CABLES1: variants seen among roughly 807,000 people sequenced by gnomAD.
CABLES1 encodes Cdk5 and Abl enzyme substrate 1, also known as CDK5 and ABL1 enzyme substrate 1.
CABLES1 carries 36 observed loss-of-function variants against 57.8 expected under a neutral mutation model. The observed-to-expected ratio is 0.62, with a 90% CI of 0.48 to 0.82. CABLES1 has a LOEUF of 0.82. Among genes scored for constraint, CABLES1 ranks in the 40% least tolerant of loss-of-function variants. The pLI, the probability that CABLES1 is intolerant of heterozygous loss-of-function variation, is 0.00. For synonymous variants in CABLES1, 374 were observed against 363.0 expected, an observed-to-expected ratio of 1.03 and a Z score of -0.35; for missense variants, 767 against 836.6, an observed-to-expected ratio of 0.92 and a Z score of 1.03.
At chr18:23,156,511 T>C (rs1195045744) in intron 1 of CABLES1, among the ~76,000 whole-genome samples, 2 of 152,202 alleles carry the variant, frequency 1.3e-5, no homozygotes, top group African/African-American at 4.8e-5. Context: ...ATTATACAAC[T>C]TTTAGCTAAT....
rs1191728921 is a variant in CABLES1 at position 23,135,885 on chromosome 18, C to T, written c.123C>T (p.Ala41=). ...CGCAGCCCCAGCCTCAGCCCGCGGC[C>T]GCCGCGCCGGCCCAGCCGCCGCCCG... The part of the protein sequence containing the change: ...PPPQPQPQPA[A]AAPAQPPPEP... Residue 41 remains alanine, a synonymous_variant, in exon 1 of 10, where the codon GCC becomes GCT. Transcript: ENST00000256925. 2 of 1,052,780 alleles carry T rather than the reference C, an allele frequency of 1.9e-6. No homozygotes were observed. The highest frequency in any genetic ancestry group is 1.7e-5 in the African/African-American group (1 of 58,004). The allele number at this position is 1,052,780 out of a possible 1,614,324, so 65.2% of individuals were successfully genotyped here.
At chr18:23,173,646 T>C (rs974544640) in intron 1 of CABLES1, among the ~76,000 whole-genome samples, 2 of 152,250 alleles carry the variant, frequency 1.3e-5, no homozygotes, top group South Asian at 2.1e-4. Flanking sequence ...TACTAAGATA[T>C]AATTTGCATA....
At chr18:23,183,503 T>G (rs925966084) in intron 1 of CABLES1, among the ~76,000 whole-genome samples, 2 of 152,200 alleles carry the variant, frequency 1.3e-5, no homozygotes, top group Non-Finnish European at 2.9e-5. Flanking sequence ...CAGGCGTGGG[T>G]GCTTTCAGGA....
Position 23,259,955 on chromosome 18 carries a change from A to T in CABLES1, c.*2588A>T, listed in dbSNP as rs530274143. The T allele has an allele frequency of 6.6e-6, 1 of 150,700 alleles. No homozygotes were observed. The highest frequency in any genetic ancestry group is 2.4e-5 in the African/African-American group (1 of 41,148). The allele number at this position is 150,700 out of a possible 1,614,324, so 9.3% of individuals were successfully genotyped here. A position where few individuals can be genotyped will look rare whatever the true frequency, so the allele number is the denominator to read the frequency against. ...TCCGCCCAGCCACACTCCTTGGGATAATACTAGCCGGTTCTGCCTGATTCC... is the reference window on the plus strand; with the variant it reads ...TCCGCCCAGCCACACTCCTTGGGATTATACTAGCCGGTTCTGCCTGATTCC... On this transcript the variant is annotated 3_prime_UTR_variant, in exon 10 of 10. Transcript: ENST00000256925.
chr18:23,161,311 T>G (rs2047002297), intron 1 of CABLES1, among the ~76,000 whole-genome samples: 1 of 151,970 alleles, frequency 6.6e-6, no homozygotes, highest in Non-Finnish European at 1.5e-5. Context: ...TCTAAAACAC[T>G]TTACTGGTGT....
intron 7 of CABLES1, among the ~76,000 whole-genome samples, chr18:23,240,058 C>T (rs2047696516): frequency 6.6e-6 from 1 of 152,184 alleles, no homozygotes; most frequent in South Asian, 2.1e-4. Flanking sequence ...GCAGAGGCTG[C>T]AGTGAGCTGA....
chr18:23,182,754 C>T (rs1047884570), intron 1 of CABLES1, among the ~76,000 whole-genome samples: 115 of 152,346 alleles, frequency 7.5e-4, no homozygotes, highest in African/African-American at 2.6e-3. Flanking sequence ...CACTGCCTCA[C>T]GTTGTCCTTC....
chr18:23,246,778 A>G (rs993758854), intron 7 of CABLES1, among the ~76,000 whole-genome samples: 1 of 151,368 alleles, frequency 6.6e-6, no homozygotes, highest in Admixed American at 6.6e-5. Flanking sequence ...TTCAATCTTC[A>G]TCTCCCAGGT....
At chr18:23,232,214 C>T (rs1207095007) in intron 4 of CABLES1, among the ~76,000 whole-genome samples, 1 of 152,232 alleles carries the variant, frequency 6.6e-6, no homozygotes, top group African/African-American at 2.4e-5. Flanking sequence ...AAGATATTCC[C>T]TACTTCTCTC....
At chr18:23,244,133 G>C (rs2047815599) in intron 7 of CABLES1, among the ~76,000 whole-genome samples, 1 of 152,220 alleles carries the variant, frequency 6.6e-6, no homozygotes, top group Admixed American at 6.5e-5. Flanking sequence ...CTTGCGTTTA[G>C]AAGTGCATCC....
chr18:23,202,373 AAAG>A (rs1448594628), intron 3 of CABLES1, among the ~76,000 whole-genome samples: 1 of 152,214 alleles, frequency 6.6e-6, no homozygotes, highest in African/African-American at 2.4e-5. Flanking sequence ...GCCTTTTGTC[AAAG>A]AAGAGAGGTG....
chr18:23,237,126 T>C lies in CABLES1; in HGVS notation c.1343-16T>C. 1 of 1,506,802 alleles carries C rather than the reference T, an allele frequency of 6.6e-7. No homozygotes were observed. The highest frequency in any genetic ancestry group is 9.2e-7 in the Non-Finnish European group (1 of 1,082,058). The allele number at this position is 1,506,802 out of a possible 1,614,324, so 93.3% of individuals were successfully genotyped here. On this transcript the variant is annotated splice_polypyrimidine_tract_variant and intron_variant, in intron 6 of 9. Coordinates refer to ENST00000256925, the MANE Select transcript of CABLES1 (RefSeq NM_001100619.3). Reference sequence around the variant, plus strand: ...AGCCGCTAATTATCATTTTGCATTTTGCATGTGATCTTCAGGTAGTGACCT... The same window carrying C: ...AGCCGCTAATTATCATTTTGCATTTCGCATGTGATCTTCAGGTAGTGACCT...
intron 3 of CABLES1, among the ~76,000 whole-genome samples, chr18:23,200,515 G>A (rs1465690298): frequency 6.6e-6 from 1 of 152,096 alleles, no homozygotes; most frequent in East Asian, 1.9e-4. Flanking sequence ...GCCCGCCTTG[G>A]CCTCCCAAAG....
Position 23,252,964 on chromosome 18 carries a change from C to A in CABLES1, c.1451C>A (p.Thr484Lys). The change falls in exon 8 of 10, where the codon ACA (threonine) becomes AAA (lysine). Residue 484 changes from threonine to lysine, a missense_variant. Coordinates refer to ENST00000256925, the MANE Select transcript of CABLES1 (RefSeq NM_001100619.3). ...GTGTTCCCCTGTCTGTTACAGACAACAGTGATTGACTACGTGAAGCCCTCG... is the reference window on the plus strand; with the variant it reads ...GTGTTCCCCTGTCTGTTACAGACAAAAGTGATTGACTACGTGAAGCCCTCG... ...RVLIFPSYMT[T>K]VIDYVKPSDL... The A allele has an allele frequency of 6.2e-7, 1 of 1,605,460 alleles. No individual in the cohort carries two copies. The highest frequency in any genetic ancestry group is 8.5e-7 in the Non-Finnish European group (1 of 1,172,204).
At chr18:23,233,757 C>T (rs570872994) in intron 4 of CABLES1, among the ~76,000 whole-genome samples, 1 of 152,250 alleles carries the variant, frequency 6.6e-6, no homozygotes, top group African/African-American at 2.4e-5. Context: ...AGAGATTATT[C>T]CTCTATTAAA....
chr18:23,185,466 T>TGACAGGGCTCAC (rs72302290), intron 1 of CABLES1, among the ~76,000 whole-genome samples: 12,123 of 151,976 alleles, frequency 0.08, 738 homozygotes, highest in African/African-American at 0.16. Context: ...TGTGTGTTCC[T>TGACAGGGCTCAC]GACAGGGCTC....
chr18:23,184,765 C>T (rs993262959), intron 1 of CABLES1, among the ~76,000 whole-genome samples: 1 of 152,122 alleles, frequency 6.6e-6, no homozygotes, highest in African/African-American at 2.4e-5. Context: ...AAGGCTAGGT[C>T]ACTATCTGGG....
intron 1 of CABLES1, among the ~76,000 whole-genome samples, chr18:23,170,499 C>T (rs990123678): frequency 5.3e-5 from 8 of 152,122 alleles, no homozygotes; most frequent in South Asian, 4.1e-4. Context: ...TCTCCAGCAG[C>T]GTGTGCATGG....
In CABLES1 at chr18:23,258,014, G is replaced by A. The variant is rs1376953422; in HGVS notation, c.*647G>A. On this transcript the variant is annotated 3_prime_UTR_variant, in exon 10 of 10. Coordinates refer to ENST00000256925, the MANE Select transcript of CABLES1 (RefSeq NM_001100619.3). ...TTATTTCTAGATGATTTCTGGATAA[G>A]AATTGCTCTCTCGGTACCAGACAGT... The A allele has an allele frequency of 6.6e-6, 1 of 152,228 alleles. No individual in the cohort carries two copies. The highest frequency in any genetic ancestry group is 1.9e-4 in the East Asian group (1 of 5,186). The allele number at this position is 152,228 out of a possible 1,614,324, so 9.4% of individuals were successfully genotyped here.
Sources: allele counts gnomAD v4.1 joint callset (sites outside exome capture counted in the v4.1 genomes callset), GRCh38; gene constraint gnomAD v4.1.1; transcripts MANE v1.5; gene names NCBI Gene and HGNC (gene_info 2026-07-23, HGNC 2026-07-21).